The following RAB38 variants were observed in gnomAD, a reference collection of about 807,000 sequenced individuals.
RAB38 encodes the protein RAB38, member RAS oncogene family.
Under a neutral mutation model 18.4 loss-of-function variants are expected in RAB38, and 15 were observed. That is an observed-to-expected ratio of 0.82 (90% confidence interval 0.55 to 1.26). The LOEUF (loss-of-function observed/expected upper bound fraction) is 1.26, where lower values mean the gene tolerates loss of function less well. Ranked by LOEUF, RAB38 falls within the 50% of genes most tolerant of loss-of-function variation. The probability of loss-of-function intolerance (pLI) is 0.00; values close to 1 mark genes in which losing one functional copy is unlikely to be tolerated. For synonymous variants in RAB38, 101 were observed against 104.4 expected, an observed-to-expected ratio of 0.97 and a Z score of 0.20; for missense variants, 294 against 267.4, an observed-to-expected ratio of 1.10 and a Z score of -0.69.
the RAB38 span, among the ~76,000 whole-genome samples, chr11:88,052,935 T>TTTC: frequency 1.2e-5 from 1 of 85,792 alleles, no homozygotes; most frequent in Admixed American, 1.8e-4. Context: ...TATATATATA[T>TTTC]ATATATATAA....
chr11:88,025,275 C>A, the RAB38 span, among the ~76,000 whole-genome samples: 1 of 151,482 alleles, frequency 6.6e-6, no homozygotes, highest in East Asian at 1.9e-4. Flanking sequence ...TTAATCCAAT[C>A]CATCATTGAT....
chr11:87,950,223 T>TC, the RAB38 span, among the ~76,000 whole-genome samples: 1 of 152,202 alleles, frequency 6.6e-6, no homozygotes, highest in South Asian at 2.1e-4. Flanking sequence ...TGCCTTTTTT[T>TC]ATTTTCCATT....
chr11:87,848,536 A>T, the RAB38 span, among the ~76,000 whole-genome samples: 1 of 152,160 alleles, frequency 6.6e-6, no homozygotes, highest in African/African-American at 2.4e-5. Context: ...TTTCGCTCTC[A>T]TTGGAAGTAA....
At chr11:88,053,700 T>A in the RAB38 span, among the ~76,000 whole-genome samples, 3 of 151,774 alleles carry the variant, frequency 2.0e-5, no homozygotes, top group African/African-American at 7.2e-5. Flanking sequence ...TAAATGAATT[T>A]TATCAAAAGC....
At chr11:87,972,014 A>C in the RAB38 span, among the ~76,000 whole-genome samples, 1 of 151,872 alleles carries the variant, frequency 6.6e-6, no homozygotes, top group African/African-American at 2.4e-5. Flanking sequence ...ACACATTAAC[A>C]GTTGTTGATG....
the RAB38 span, among the ~76,000 whole-genome samples, chr11:88,007,726 G>A: frequency 6.6e-6 from 1 of 151,880 alleles, no homozygotes; most frequent in African/African-American, 2.4e-5. Context: ...CAACAAGCCT[G>A]AAATTCTACT....
the RAB38 span, among the ~76,000 whole-genome samples, chr11:88,056,826 TAAA>T: frequency 9.0e-6 from 1 of 111,482 alleles, no homozygotes; most frequent in Non-Finnish European, 2.2e-5. Flanking sequence ...AATAAATAAA[TAAA>T]TAAATACATA....
intron 2 of RAB38, 146 bp from the exon 3 acceptor site, chr11:88,114,286 T>C: frequency 1.2e-6 from 1 of 865,904 alleles, no homozygotes; most frequent in Middle Eastern, 3.5e-4. Flanking sequence ...CTCTTATTTG[T>C]TCCTTCAAAG....
the RAB38 span, chr11:87,815,923 T>G: frequency 1.3e-5 from 2 of 152,466 alleles, no homozygotes; most frequent in African/African-American, 4.8e-5. Flanking sequence ...AATAGCGGAC[T>G]ATTCAGTCAT....
chr11:88,155,542 T>C (rs1943115293), intron 1 of RAB38, among the ~76,000 whole-genome samples: 1 of 152,098 alleles, frequency 6.6e-6, no homozygotes, highest in African/African-American at 2.4e-5. Context: ...AAAAAAGTCC[T>C]ACAAACATGA....
the RAB38 span, among the ~76,000 whole-genome samples, chr11:88,015,052 AT>A: frequency 0.66 from 98,820 of 149,674 alleles, 32,776 homozygotes; most frequent in East Asian, 0.75. Flanking sequence ...AGTTGCCTGT[AT>A]TTTTTTTTTT....
the RAB38 span, among the ~76,000 whole-genome samples, chr11:88,085,178 T>C: frequency 6.6e-6 from 1 of 152,022 alleles, no homozygotes; most frequent in South Asian, 2.1e-4. Flanking sequence ...GGTAAGGGAA[T>C]TAGTCAGCAC....
At chr11:88,093,926 C>T in the RAB38 span, among the ~76,000 whole-genome samples, 1 of 151,908 alleles carries the variant, frequency 6.6e-6, no homozygotes, top group Admixed American at 6.6e-5. Context: ...TTCGAAAGGG[C>T]TCCTTGCTAA....
chr11:88,095,680 T>G, the RAB38 span, among the ~76,000 whole-genome samples: 4 of 151,922 alleles, frequency 2.6e-5, no homozygotes, highest in African/African-American at 9.7e-5. Context: ...TGATGTTTCT[T>G]CTCAACTCTA....
the RAB38 span, among the ~76,000 whole-genome samples, chr11:87,925,021 C>T: frequency 6.6e-6 from 1 of 151,934 alleles, no homozygotes; most frequent in African/African-American, 2.4e-5. Flanking sequence ...GGTTGGTGTG[C>T]TCAGTGGTAG....
the RAB38 span, among the ~76,000 whole-genome samples, chr11:87,883,028 A>T: frequency 3.3e-5 from 5 of 151,762 alleles, no homozygotes; most frequent in Admixed American, 6.6e-5. Context: ...TTAGTCCTGT[A>T]TGTTACTTGT....
At chr11:88,019,306 CTT>C in the RAB38 span, among the ~76,000 whole-genome samples, 1 of 152,054 alleles carries the variant, frequency 6.6e-6, no homozygotes, top group Non-Finnish European at 1.5e-5. Flanking sequence ...TCATCTATGA[CTT>C]TTTTTCTTTC....
the RAB38 span, among the ~76,000 whole-genome samples, chr11:88,052,929 T>TATTTC: frequency 5.2e-4 from 30 of 57,944 alleles, no homozygotes; most frequent in Admixed American, 7.8e-4. Context: ...TATATATATA[T>TATTTC]ATATATATAT....
chr11:88,175,380 T>G lies in RAB38; in HGVS notation c.5A>C (p.Gln2Pro), dbSNP rs1321577797. 6.2e-7 allele frequency: 1 copy of G among 1,614,088 alleles called. No individual in the cohort carries two copies. Among genetic ancestry groups the G allele is most frequent in the South Asian group, 1.1e-5 (1 of 91,082 alleles). Reference protein sequence around the residue: MQAPHKEHLYKL... With the variant: MPAPHKEHLYKL... Reference sequence around the variant, plus strand: ...GTACAGGTGCTCCTTGTGCGGGGCCTGCATCCTGGCGGCCGGCCAGACGTG... The same window carrying G: ...GTACAGGTGCTCCTTGTGCGGGGCCGGCATCCTGGCGGCCGGCCAGACGTG... The change falls in exon 1 of 3, where the codon CAG (glutamine) becomes CCG (proline). Residue 2 changes from glutamine (Q) to proline (P), a missense_variant. Gln to Pro is a moderately conservative substitution (Grantham distance 76). Coordinates refer to ENST00000243662, the MANE Select transcript of RAB38 (RefSeq NM_022337.3).
Sources: gnomAD v4.1 joint callset for allele counts (sites outside exome capture counted in the v4.1 genomes callset) on GRCh38, gnomAD v4.1.1 for gene constraint, MANE v1.5 for transcripts, NCBI Gene and HGNC (gene_info 2026-07-23, HGNC 2026-07-21) for gene names.